Variants in KRABD4 observed in about 807,000 individuals in gnomAD.
KRABD4 encodes KRAB domain containing 4, also known as KRAB domain-containing protein 4.
chrX:46,461,920 C>G, the KRABD4 span, among the ~76,000 whole-genome samples: 617 of 107,199 alleles, frequency 5.8e-3, 5 homozygotes, highest in Non-Finnish European at 6.1e-3. Flanking sequence ...AGGCTTCCTC[C>G]CTGCCTCTGT....
chrX:46,462,157 TA>T, the KRABD4 span, among the ~76,000 whole-genome samples: 1 of 112,204 alleles, frequency 8.9e-6, no homozygotes, highest in Non-Finnish European at 1.9e-5. Flanking sequence ...TTTAGTCATA[TA>T]GATACTCTAT....
the KRABD4 span, among the ~76,000 whole-genome samples, chrX:46,451,602 T>C: frequency 9.0e-6 from 1 of 111,451 alleles, no homozygotes; most frequent in Non-Finnish European, 1.9e-5. Context: ...GGAAGTCGGG[T>C]TTTGACTAAA....
the KRABD4 span, among the ~76,000 whole-genome samples, chrX:46,449,807 C>T: frequency 8.9e-6 from 1 of 112,006 alleles, no homozygotes; most frequent in African/African-American, 3.2e-5. Flanking sequence ...CCCTCTGTCG[C>T]CCAGGCTGGA....
At chrX:46,472,306 T>C in the KRABD4 span, 70 of 122,590 alleles carry the variant, frequency 5.7e-4, no homozygotes, top group Non-Finnish European at 1.1e-3. Flanking sequence ...TAGTTCCTAT[T>C]TTACACACAG....
chrX:46,465,402 C>T, the KRABD4 span, among the ~76,000 whole-genome samples: 2 of 112,785 alleles, frequency 1.8e-5, no homozygotes, highest in African/African-American at 6.4e-5. Context: ...ATAGCCTGGG[C>T]TGGAATTCTG....
the KRABD4 span, chrX:46,462,343 G>C: frequency 3.2e-5 from 6 of 187,902 alleles, no homozygotes; most frequent in Non-Finnish European, 6.0e-5. Context: ...AACTCCGTCT[G>C]TACTAACAAT....
chrX:46,456,186 G>A, the KRABD4 span: 53 of 146,231 alleles, frequency 3.6e-4, no homozygotes, highest in Non-Finnish European at 4.0e-4. Context: ...AAGTTCTGTA[G>A]ACAGCTTTCC....
At chrX:46,466,161 TC>T in the KRABD4 span, among the ~76,000 whole-genome samples, 1 of 111,825 alleles carries the variant, frequency 8.9e-6, no homozygotes, top group African/African-American at 3.3e-5. Flanking sequence ...GAAATTTATT[TC>T]AAGTTTGTTG....
the KRABD4 span, chrX:46,454,882 A>T: frequency 7.9e-6 from 1 of 127,159 alleles, no homozygotes; most frequent in Non-Finnish European, 1.6e-5. Flanking sequence ...TTAGCTTATC[A>T]GCTGTCATTA....
the KRABD4 span, chrX:46,457,156 G>T: frequency 3.4e-6 from 1 of 290,014 alleles, no homozygotes; most frequent in African/African-American, 2.8e-5. Context: ...CTGATAAAGC[G>T]GAGAATTCCA....
At chrX:46,460,443 G>C in the KRABD4 span, among the ~76,000 whole-genome samples, 1 of 109,067 alleles carries the variant, frequency 9.2e-6, no homozygotes, top group Non-Finnish European at 1.9e-5. Context: ...CTGGGGGCAG[G>C]GGGGTGGATA....
At chrX:46,459,437 A>G in the KRABD4 span, among the ~76,000 whole-genome samples, 1 of 111,854 alleles carries the variant, frequency 8.9e-6, no homozygotes. Context: ...CTACAAAACT[A>G]TCAAAACTTT....
the KRABD4 span, among the ~76,000 whole-genome samples, chrX:46,459,312 A>AAAAAAAAAAAAAG: frequency 8.4e-5 from 4 of 47,624 alleles, no homozygotes; most frequent in South Asian, 4.4e-3. Context: ...AGACTGTCTC[A>AAAAAAAAAAAAAG]AAAAAAAAAA....
chrX:46,471,849 G>C, the KRABD4 span, among the ~76,000 whole-genome samples: 2 of 112,125 alleles, frequency 1.8e-5, no homozygotes, highest in Non-Finnish European at 3.8e-5. Context: ...GGATCACTTT[G>C]TTTATCCATT....
chrX:46,463,006 CTG>C, the KRABD4 span: 1 of 1,099,935 alleles, frequency 9.1e-7, no homozygotes, highest in African/African-American at 1.8e-5. Flanking sequence ...TTACTGCCCA[CTG>C]TGTAGTATTC....
chrX:46,459,311 C>CA, the KRABD4 span, among the ~76,000 whole-genome samples: 4 of 44,292 alleles, frequency 9.0e-5, no homozygotes, highest in Non-Finnish European at 1.2e-4. Flanking sequence ...GAGACTGTCT[C>CA]AAAAAAAAAA....
At chrX:46,457,200 C>A in the KRABD4 span, 1 of 238,002 alleles carries the variant, frequency 4.2e-6, no homozygotes, top group Non-Finnish European at 7.9e-6. Context: ...CAATGTCATC[C>A]TTCTCTGCCA....
At chrX:46,453,265 T>C in the KRABD4 span, among the ~76,000 whole-genome samples, 1 of 112,130 alleles carries the variant, frequency 8.9e-6, no homozygotes, top group Non-Finnish European at 1.9e-5. Flanking sequence ...ATTTCAGTTA[T>C]GTGGAAAAAG....
chrX:46,462,613 C>T, the KRABD4 span: 11 of 1,096,231 alleles, frequency 1.0e-5, no homozygotes, highest in African/African-American at 1.6e-4. Flanking sequence ...GTTACTTAGG[C>T]TCTGTGCACC....
Sources: gnomAD v4.1 joint callset for allele counts (sites outside exome capture counted in the v4.1 genomes callset) on GRCh38, gnomAD v4.1.1 for gene constraint, MANE v1.5 for transcripts, NCBI Gene and HGNC (gene_info 2026-07-23, HGNC 2026-07-21) for gene names.